Variants in ANKRD42 observed in about 807,000 individuals in gnomAD.
ANKRD42 encodes ankyrin repeat domain-containing protein 42.
A neutral mutation model predicts 51.5 loss-of-function variants in ANKRD42; 43 were observed. The ratio of observed to expected loss-of-function variants is 0.83; its 90% CI spans 0.65 to 1.08. The LOEUF (loss-of-function observed/expected upper bound fraction) is 1.08, where lower values mean the gene tolerates loss of function less well. Ranked by LOEUF, ANKRD42 falls within the 50% of genes least tolerant of loss-of-function variation. ANKRD42 has a pLI of 0.00. For synonymous variants in ANKRD42, 203 were observed against 213.0 expected, an observed-to-expected ratio of 0.95 and a Z score of 0.41; for missense variants, 608 against 629.3, an observed-to-expected ratio of 0.97 and a Z score of 0.36.
intron 11 of ANKRD42, among the ~76,000 whole-genome samples, chr11:83,254,918 A>T (rs1036412219): frequency 6.6e-6 from 1 of 152,222 alleles, no homozygotes; most frequent in Non-Finnish European, 1.5e-5. Flanking sequence ...GAAAGCTAGA[A>T]GTTTATCCTA....
At chr11:83,224,786 A>C (rs568054869) in intron 5 of ANKRD42, 69 bp from the exon 6 acceptor site, 3 of 1,257,486 alleles carry the variant, frequency 2.4e-6, no homozygotes, top group East Asian at 5.3e-5. Context: ...CTTGTCTCTA[A>C]ATACATACAT....
chr11:83,218,360 G>A (rs780276962), intron 5 of ANKRD42, among the ~76,000 whole-genome samples: 2 of 152,044 alleles, frequency 1.3e-5, no homozygotes, highest in Admixed American at 6.6e-5. Flanking sequence ...AGGGTCATTC[G>A]ATCATTTACC....
chr11:83,225,388 A>G (rs1218585939), intron 6 of ANKRD42, among the ~76,000 whole-genome samples: 1 of 151,898 alleles, frequency 6.6e-6, no homozygotes, highest in African/African-American at 2.4e-5. Flanking sequence ...GAAATATAGT[A>G]AAACCCTATC....
intron 4 of ANKRD42, among the ~76,000 whole-genome samples, chr11:83,210,675 T>C (rs1862280893): frequency 6.6e-6 from 1 of 152,248 alleles, no homozygotes; most frequent in Non-Finnish European, 1.5e-5. Context: ...GTTCAGAGTT[T>C]AACTGGTTAG....
chr11:83,254,435 C>T (rs4274213), intron 11 of ANKRD42, among the ~76,000 whole-genome samples: 88,973 of 135,802 alleles, frequency 0.66, 28,213 homozygotes, highest in Middle Eastern at 0.77. Flanking sequence ...TTTTTCTTTT[C>T]TTTTTTTTTT....
chr11:83,225,782 GAAAAAAAAAAAA>G (rs59860833), intron 6 of ANKRD42, among the ~76,000 whole-genome samples: 1 of 88,798 alleles, frequency 1.1e-5, no homozygotes, highest in Non-Finnish European at 2.1e-5. Flanking sequence ...CTCCATCCTG[GAAAAAAAAAAAA>G]AAAAAAAAAA....
At chr11:83,212,861 A>G in intron 5 of ANKRD42, 2 of 1,430,508 alleles carry the variant, frequency 1.4e-6, no homozygotes, top group South Asian at 3.0e-5. Context: ...GTGTATCTGA[A>G]AATTTATTTT....
chr11:83,227,629 C>T (rs1862929648), intron 6 of ANKRD42, 118 bp from the exon 7 acceptor site: 2 of 1,022,014 alleles, frequency 2.0e-6, no homozygotes, highest in South Asian at 1.8e-5. Context: ...CTGAACTCAT[C>T]CGATTACAAC....
At chr11:83,260,947 TG>T (rs1468497174), downstream of ANKRD42, 7 of 152,218 alleles carry the variant, frequency 4.6e-5, no homozygotes, top group African/African-American at 1.7e-4. Flanking sequence ...AAATTTAAGA[TG>T]GGTTAACTTA....
intron 2 of ANKRD42, among the ~76,000 whole-genome samples, chr11:83,203,709 C>A (rs936712583): frequency 6.6e-6 from 1 of 152,210 alleles, no homozygotes; most frequent in African/African-American, 2.4e-5. Flanking sequence ...TTTACTTGAG[C>A]ACTACGTTAA....
At chr11:83,246,199 G>T (rs1258250988) in intron 10 of ANKRD42, among the ~76,000 whole-genome samples, 1 of 152,152 alleles carries the variant, frequency 6.6e-6, no homozygotes, top group Non-Finnish European at 1.5e-5. Flanking sequence ...AAAGAAATAG[G>T]ATGGTTGTGT....
chr11:83,249,232 T>C (rs1863632720), downstream of ANKRD42, among the ~76,000 whole-genome samples: 1 of 152,098 alleles, frequency 6.6e-6, no homozygotes, highest in South Asian at 2.1e-4. Context: ...TTGGACAGGG[T>C]GTTGCTCTTG....
chr11:83,217,348 G>A (rs1167188359), intron 5 of ANKRD42, among the ~76,000 whole-genome samples: 1 of 152,182 alleles, frequency 6.6e-6, no homozygotes, highest in Non-Finnish European at 1.5e-5. Context: ...TGGCTAATAT[G>A]TTCCTCCCTA....
At chr11:83,208,742 G>C (rs910927631) in intron 3 of ANKRD42, among the ~76,000 whole-genome samples, 1 of 152,186 alleles carries the variant, frequency 6.6e-6, no homozygotes, top group South Asian at 2.1e-4. Context: ...GAAAGATGTT[G>C]AGTTCAATTT....
rs901174817 is a variant in ANKRD42 at position 83,193,822 on chromosome 11, G to T, written c.-849G>T. Reference sequence around the variant, plus strand: ...AGCGGAAGGCGGCCGCCGCTACGGCGATTCGCAGGGAGTAGCAGACGAAGA... The same window carrying T: ...AGCGGAAGGCGGCCGCCGCTACGGCTATTCGCAGGGAGTAGCAGACGAAGA... On this transcript the variant is annotated 5_prime_UTR_variant, in exon 1 of 11. Transcript: ENST00000533342. 2.0e-5 allele frequency: 9 copies of T among 455,274 alleles called. No homozygotes were observed. The highest frequency in any genetic ancestry group is 1.4e-4 in the African/African-American group (7 of 49,998). 28.2% of individuals were successfully genotyped at this position (455,274 alleles called of 1,614,324 possible). A position where few individuals can be genotyped will look rare whatever the true frequency, so the allele number is the denominator to read the frequency against.
In ANKRD42 at chr11:83,230,519, G is replaced by A. The variant is rs1863034739; in HGVS notation, c.913+2647G>A. 2.0e-5 allele frequency among the ~76,000 whole-genome samples: 3 copies of A among 151,960 alleles called. No homozygotes were observed. In the South Asian group the frequency reaches 6.2e-4, roughly 31 times the overall value. ...GAGAACATGCAAAGTTTGTCTTTGT[G>A]TGCCTGGCTTATTTCACCTAACATG... On this transcript the variant is annotated intron_variant, in intron 7 of 10. Transcript: ENST00000533342.
Position 83,207,347 on chromosome 11 carries a change from C to T in ANKRD42, c.330+1182C>T, listed in dbSNP as rs371792948. 2.6e-5 allele frequency among the ~76,000 whole-genome samples: 4 copies of T among 152,196 alleles called. No homozygotes were observed. In the East Asian group the frequency reaches 5.8e-4, roughly 22 times the overall value. On this transcript the variant is annotated intron_variant, in intron 3 of 10. Transcript: ENST00000533342. ...CATCACAGTTCCTGCCAGGAAGAAGCGTGAGATTGTTTGAAGGGACAGGAG... is the reference window on the plus strand; with the variant it reads ...CATCACAGTTCCTGCCAGGAAGAAGTGTGAGATTGTTTGAAGGGACAGGAG...
In ANKRD42 at chr11:83,238,595, C is replaced by T. The variant is rs147663027; in HGVS notation, c.1019+2086C>T. ...CCTGTAATCCCAGCACTTTGGGAGG[C>T]CGAGGCGGGCGGATCACCTGAGGTC... On this transcript the variant is annotated intron_variant, in intron 8 of 10. Transcript: ENST00000533342. Among the ~76,000 whole-genome samples the T allele has an allele frequency of 3.7e-3, 570 of 152,172 alleles. 6 individuals carry two copies. The highest frequency in any genetic ancestry group is 0.013 in the African/African-American group (532 of 41,512).
chr11:83,194,778 C>T (rs1190460822), intron 1 of ANKRD42, 50 bp downstream of exon 1: 1 of 1,511,800 alleles, frequency 6.6e-7, no homozygotes, highest in Non-Finnish European at 8.9e-7. Context: ...CCTTTTCTCA[C>T]TTAAGCCCGC....
Sources: allele counts gnomAD v4.1 joint callset (sites outside exome capture counted in the v4.1 genomes callset), GRCh38; gene constraint gnomAD v4.1.1; transcripts MANE v1.5; gene names NCBI Gene and HGNC (gene_info 2026-07-23, HGNC 2026-07-21).